Variants in JAKMIP2 observed in about 807,000 individuals in gnomAD.
JAKMIP2 encodes the protein janus kinase and microtubule interacting protein 2.
JAKMIP2 carries 25 observed loss-of-function variants against 115.0 expected under a neutral mutation model. That is an observed-to-expected ratio of 0.22 (90% CI 0.16 to 0.30). The LOEUF (loss-of-function observed/expected upper bound fraction) is 0.30. Ranked by LOEUF, JAKMIP2 falls within the 10% of genes least tolerant of loss-of-function variation. The pLI is 1.00. For synonymous variants in JAKMIP2, 334 were observed against 343.6 expected (o/e 0.97, Z 0.31); for missense variants, 642 against 957.6 (o/e 0.67, Z 4.35).
chr5:147,690,777 C>T (rs1364464337), intron 1 of JAKMIP2, among the ~76,000 whole-genome samples: 1 of 151,864 alleles, frequency 6.6e-6, no homozygotes, highest in Non-Finnish European at 1.5e-5. Context: ...TCCAGTGCTT[C>T]GTGGCTATTG....
chr5:147,597,284 T>G (rs959779146), intron 21 of JAKMIP2, among the ~76,000 whole-genome samples: 1 of 152,184 alleles, frequency 6.6e-6, no homozygotes, highest in African/African-American at 2.4e-5. Context: ...TTTTAACAAA[T>G]AATACAGTAC....
At chr5:147,715,271 A>G (rs1294137174) in intron 1 of JAKMIP2, among the ~76,000 whole-genome samples, 2 of 152,018 alleles carry the variant, frequency 1.3e-5, no homozygotes, top group Non-Finnish European at 2.9e-5. Flanking sequence ...GGCAGACAAA[A>G]AACATAATGA....
chr5:147,671,157 C>CGA (rs1047619644), intron 2 of JAKMIP2, among the ~76,000 whole-genome samples: 2 of 151,986 alleles, frequency 1.3e-5, no homozygotes, highest in Non-Finnish European at 2.9e-5. Context: ...ACAGAATGAT[C>CGA]GAGAGAGAGA....
At chr5:147,691,046 T>C (rs1431949985) in intron 1 of JAKMIP2, among the ~76,000 whole-genome samples, 1 of 152,142 alleles carries the variant, frequency 6.6e-6, no homozygotes, top group Non-Finnish European at 1.5e-5. Context: ...GATTGGTTAA[T>C]GTGACGGACT....
intron 1 of JAKMIP2, among the ~76,000 whole-genome samples, chr5:147,707,362 A>G (rs1446113914): frequency 6.6e-6 from 1 of 152,182 alleles, no homozygotes; most frequent in Non-Finnish European, 1.5e-5. Context: ...TTTTAGCCTC[A>G]GCGTAAGCAC....
intron 17 of JAKMIP2, among the ~76,000 whole-genome samples, chr5:147,622,471 C>A (rs12654982): frequency 0.061 from 9,348 of 152,240 alleles, 812 homozygotes; most frequent in African/African-American, 0.19. Context: ...AGTTGGATTA[C>A]TCTAGCACCT....
At chr5:147,684,355 T>C (rs1035777491) in intron 1 of JAKMIP2, among the ~76,000 whole-genome samples, 2 of 151,606 alleles carry the variant, frequency 1.3e-5, no homozygotes, top group African/African-American at 4.8e-5. Flanking sequence ...AGGAATTGTA[T>C]CATGAGGCCA....
In JAKMIP2 at chr5:147,609,966, A is replaced by G. The variant is rs558345127; in HGVS notation, c.2412+2340T>C. 2.0e-5 allele frequency among the ~76,000 whole-genome samples: 3 copies of G among 152,160 alleles called. No individual in the cohort carries two copies. In the East Asian group the frequency reaches 5.8e-4, roughly 29 times the overall value. Reference sequence around the variant, plus strand: ...TCTCTGTTATCCTTTCTTCCACTTGATTGATCCAGCTATGGATACTGCATG... The same window carrying G: ...TCTCTGTTATCCTTTCTTCCACTTGGTTGATCCAGCTATGGATACTGCATG... On this transcript the variant is annotated intron_variant, in intron 20 of 21. Coordinates refer to ENST00000616793, the MANE Select transcript of JAKMIP2 (RefSeq NM_001270941.2).
At chr5:147,675,414 G>C (rs374041168) in intron 1 of JAKMIP2, among the ~76,000 whole-genome samples, 21 of 151,878 alleles carry the variant, frequency 1.4e-4, no homozygotes, top group African/African-American at 5.1e-4. Flanking sequence ...ATGGGTGCCT[G>C]GCAATCTCAT....
At chr5:147,661,715 A>C (rs1376143581) in intron 2 of JAKMIP2, 1 of 389,300 alleles carries the variant, frequency 2.6e-6, no homozygotes, top group East Asian at 5.0e-5. Flanking sequence ...TCTGCAGACA[A>C]GCAGCCTCGG....
chr5:147,661,856 G>C (rs1261073575), intron 2 of JAKMIP2: 2 of 174,292 alleles, frequency 1.1e-5, no homozygotes, highest in African/African-American at 4.8e-5. Flanking sequence ...TCGCTATCAT[G>C]GTTTTTCCCT....
Position 147,620,757 on chromosome 5 carries a change from C to A in JAKMIP2, c.2065-14G>T. ...GCAGAACTGTTCCTATAACAAAGGG[C>A]CATATTGATAGAGTCAGCTTAGTTA... On this transcript the variant is annotated splice_polypyrimidine_tract_variant and intron_variant, in intron 17 of 21. Coordinates refer to ENST00000616793, the MANE Select transcript of JAKMIP2 (RefSeq NM_001270941.2). 1 of 1,594,008 alleles carries A rather than the reference C, an allele frequency of 6.3e-7. No homozygotes were observed.
intron 19 of JAKMIP2, among the ~76,000 whole-genome samples, chr5:147,614,750 C>T (rs75820182): frequency 0.11 from 17,325 of 152,238 alleles, 1,341 homozygotes; most frequent in South Asian, 0.27. Context: ...TGTGATGTGG[C>T]CCTTTCTTAG....
At chr5:147,717,404 G>C (rs1220121428) in intron 1 of JAKMIP2, among the ~76,000 whole-genome samples, 50 of 144,940 alleles carry the variant, frequency 3.4e-4, no homozygotes, top group African/African-American at 1.2e-3. Flanking sequence ...TAGCTTGATG[G>C]GGATGGCATT....
intron 5 of JAKMIP2, among the ~76,000 whole-genome samples, chr5:147,647,814 C>T (rs904967278): frequency 6.6e-6 from 1 of 152,122 alleles, no homozygotes; most frequent in African/African-American, 2.4e-5. Context: ...GCATATTCCA[C>T]CAGAAATGGG....
chr5:147,713,835 T>G (rs1011196501), intron 1 of JAKMIP2, among the ~76,000 whole-genome samples: 2 of 152,146 alleles, frequency 1.3e-5, no homozygotes, highest in Admixed American at 1.3e-4. Flanking sequence ...TTCTTGTTTT[T>G]GGGCTGGGAC....
chr5:147,763,091 G>A (rs1754987839), intron 1 of JAKMIP2, among the ~76,000 whole-genome samples: 1 of 152,086 alleles, frequency 6.6e-6, no homozygotes, highest in African/African-American at 2.4e-5. Context: ...AGGGTGAGTA[G>A]CCTGAGACTA....
intron 1 of JAKMIP2, among the ~76,000 whole-genome samples, chr5:147,675,163 A>C (rs1759866740): frequency 6.6e-6 from 1 of 152,214 alleles, no homozygotes; most frequent in Non-Finnish European, 1.5e-5. Context: ...TCAAAATATA[A>C]TATTATGTGC....
At chr5:147,727,348 C>T (rs753304272) in intron 1 of JAKMIP2, among the ~76,000 whole-genome samples, 1 of 152,174 alleles carries the variant, frequency 6.6e-6, no homozygotes, top group Non-Finnish European at 1.5e-5. Flanking sequence ...TCTGGTTTTA[C>T]ACTGATATAA....
Sources: gnomAD v4.1 joint callset for allele counts (sites outside exome capture counted in the v4.1 genomes callset) on GRCh38, gnomAD v4.1.1 for gene constraint, MANE v1.5 for transcripts, NCBI Gene and HGNC (gene_info 2026-07-23, HGNC 2026-07-21) for gene names.